Variants in ADGRG6 observed in about 807,000 individuals in gnomAD.
The protein encoded by ADGRG6 is G-protein coupled receptor 126.
Under a neutral mutation model 142.4 loss-of-function variants are expected in ADGRG6, and 84 were observed. The observed-to-expected ratio is 0.59, with a 90% CI of 0.49 to 0.71. ADGRG6 has a LOEUF of 0.71. ADGRG6 is among the 30% of genes least tolerant of loss of function. The probability of loss-of-function intolerance (pLI) is 0.00; values close to 1 mark genes in which losing one functional copy is unlikely to be tolerated. For missense variants in ADGRG6, 1,367 were observed against 1,466.6 expected (o/e 0.93, Z 1.11); for synonymous variants, 521 against 520.5 (o/e 1.00, Z -0.01).
chr6:142,417,346 T>C lies in ADGRG6; in HGVS notation c.3012T>C (p.Tyr1004=), dbSNP rs1246476641. The change falls in exon 21 of 25, where the codon TAT becomes TAC. Residue 1004 remains tyrosine, a synonymous_variant. Transcript: ENST00000367609. ...NNNEVYGKES[Y]GKEKGDEFCW... is the part of the protein sequence containing the mutation. ...ATGAAGTCTATGGAAAAGAAAGTTA[T>C]GGGAAAGAAAAAGGTGATGAATTGT... is the stretch of plus-strand genomic sequence containing the variant. The C allele has an allele frequency of 2.0e-5, 32 of 1,580,340 alleles. No homozygotes were observed. Among genetic ancestry groups the C allele is most frequent in the Non-Finnish European group, 2.4e-5 (28 of 1,151,560 alleles).
chr6:142,402,722 T>C lies in ADGRG6; in HGVS notation c.1847T>C (p.Ile616Thr). The change falls in exon 13 of 25, where the codon ATT (isoleucine) becomes ACT (threonine). Residue 616 changes from isoleucine to threonine, a missense_variant. Coordinates refer to ENST00000367609, the MANE Select transcript of ADGRG6 (RefSeq NM_198569.3). ...ITNIVEQVKR[I>T]VNKEENIDIT... ...AACATTGTGGAACAGGTCAAAAGAA[T>C]TGTGAATAAAGAAGAAAACATTGAT... 6.2e-7 allele frequency: 1 copy of C among 1,602,102 alleles called. No homozygotes were observed. The highest frequency in any genetic ancestry group is 8.5e-7 in the Non-Finnish European group (1 of 1,169,650).
chr6:142,439,886 C>T (rs75519587), intron 24 of ADGRG6, among the ~76,000 whole-genome samples: 3,124 of 152,240 alleles, frequency 0.021, 114 homozygotes, highest in African/African-American at 0.072. Context: ...GGTTCCGTGG[C>T]ACAAAATATT....
chr6:142,330,200 G>C (rs556046665), intron 2 of ADGRG6, among the ~76,000 whole-genome samples: 3 of 151,940 alleles, frequency 2.0e-5, no homozygotes, highest in Admixed American at 2.0e-4. Flanking sequence ...ACATGATCTC[G>C]TTCTTTTTAA....
At position 142,419,259 on chromosome 6, in the gene ADGRG6, G is replaced by T. The variant is rs970571106; in HGVS notation, c.3036-562G>T. Among the ~76,000 whole-genome samples, 4 of 152,114 alleles carry T rather than the reference G, an allele frequency of 2.6e-5. 1 individual carries two copies. Among genetic ancestry groups the T allele is most frequent in the South Asian group, 4.1e-4 (2 of 4,834 alleles). ...GGGCCAACAACTCTGCAGCAGGCTT[G>T]ACCTCTCTGTCATTGGACAGAAGAT... On this transcript the variant is annotated intron_variant, in intron 21 of 24. Transcript: ENST00000367609.
chr6:142,431,166 G>A (rs1483984047), intron 22 of ADGRG6, among the ~76,000 whole-genome samples: 4 of 151,936 alleles, frequency 2.6e-5, no homozygotes. Context: ...GCAGGACTAA[G>A]GATGGGATGA....
chr6:142,405,601 G>A (rs1775761708), intron 14 of ADGRG6, 87 bp from the exon 15 acceptor site: 3 of 1,084,200 alleles, frequency 2.8e-6, no homozygotes, highest in Admixed American at 4.1e-5. Context: ...ACTTGCAATT[G>A]TTCACTCGCC....
In ADGRG6 at chr6:142,444,783, C is replaced by G. The variant is rs1309671018; in HGVS notation, c.*1268C>G. The G allele has an allele frequency of 6.6e-6, 1 of 152,088 alleles. No individual in the cohort carries two copies. Among genetic ancestry groups the G allele is most frequent in the Admixed American group, 6.6e-5 (1 of 15,246 alleles). 9.4% of individuals were successfully genotyped at this position (152,088 alleles called of 1,614,324 possible). On this transcript the variant is annotated 3_prime_UTR_variant, in exon 25 of 25. Transcript: ENST00000367609. Reference sequence around the variant, plus strand: ...GCTTGCTAATGAATGTATAGGAGACCACATTGTAATTGTTCTTAGATGATG... The same window carrying G: ...GCTTGCTAATGAATGTATAGGAGACGACATTGTAATTGTTCTTAGATGATG...
At chr6:142,376,551 A>G (rs569541820) in intron 4 of ADGRG6, among the ~76,000 whole-genome samples, 1 of 152,286 alleles carries the variant, frequency 6.6e-6, no homozygotes, top group East Asian at 1.9e-4. Context: ...TTACCGTTTC[A>G]TAATCATTAC....
intron 1 of ADGRG6, among the ~76,000 whole-genome samples, chr6:142,308,881 A>G (rs1234889726): frequency 6.6e-6 from 1 of 151,900 alleles, no homozygotes; most frequent in African/African-American, 2.4e-5. Flanking sequence ...TGAGTAAGTC[A>G]TGCAGAAGGA....
intron 2 of ADGRG6, among the ~76,000 whole-genome samples, chr6:142,340,281 T>G (rs937998178): frequency 1.3e-4 from 20 of 152,120 alleles, no homozygotes; most frequent in Non-Finnish European, 2.6e-4. Flanking sequence ...AAATGTCCAT[T>G]TATAGCAATT....
chr6:142,321,303 A>ACT (rs1222684288), intron 2 of ADGRG6, among the ~76,000 whole-genome samples: 1 of 151,550 alleles, frequency 6.6e-6, no homozygotes, highest in African/African-American at 2.4e-5. Flanking sequence ...ACACACACAC[A>ACT]CACACACACG....
chr6:142,355,272 G>C (rs988181331), intron 2 of ADGRG6, among the ~76,000 whole-genome samples: 1 of 151,836 alleles, frequency 6.6e-6, no homozygotes, highest in Non-Finnish European at 1.5e-5. Context: ...AATCACTGGG[G>C]CTCAGTCTTC....
At chr6:142,430,728 A>T (rs1777171262) in intron 22 of ADGRG6, among the ~76,000 whole-genome samples, 1 of 152,226 alleles carries the variant, frequency 6.6e-6, no homozygotes, top group Non-Finnish European at 1.5e-5. Flanking sequence ...TTATTTTTCA[A>T]ACATGCTACT....
rs1260054895 is a variant in ADGRG6, at chr6:142,439,525, C to T, written c.3574+1161C>T. On this transcript the variant is annotated intron_variant, in intron 24 of 24. Coordinates refer to ENST00000367609, the MANE Select transcript of ADGRG6 (RefSeq NM_198569.3). ...ATCCATATACATGCCCTGTTTGCACCGTTTTCTATGTCTTGCCACTGGGGT... is the reference window on the plus strand; with the variant it reads ...ATCCATATACATGCCCTGTTTGCACTGTTTTCTATGTCTTGCCACTGGGGT... 5.3e-5 allele frequency among the ~76,000 whole-genome samples: 8 copies of T among 152,214 alleles called. 1 individual carries two copies. In the East Asian group the frequency reaches 5.8e-4, roughly 11 times the overall value.
At chr6:142,361,699 G>T (rs768232568) in intron 2 of ADGRG6, among the ~76,000 whole-genome samples, 1 of 152,162 alleles carries the variant, frequency 6.6e-6, no homozygotes, top group Non-Finnish European at 1.5e-5. Flanking sequence ...AGAGTTGGGG[G>T]TTTGCAGGAA....
Position 142,397,825 on chromosome 6 carries a change from C to T in ADGRG6, c.1567+70C>T, listed in dbSNP as rs916606185. On this transcript the variant is annotated intron_variant, in intron 10 of 24. Coordinates refer to ENST00000367609, the MANE Select transcript of ADGRG6 (RefSeq NM_198569.3). Reference sequence around the variant, plus strand: ...TATTCAGGTTTACTTGAAACAACAGCAGAAATTTTCTTTATGCGCTATTTG... The same window carrying T: ...TATTCAGGTTTACTTGAAACAACAGTAGAAATTTTCTTTATGCGCTATTTG... The T allele has an allele frequency of 3.6e-5, 35 of 982,002 alleles. No individual in the cohort carries two copies. The African/African-American group carries it at 5.7e-4, about 16-fold the overall frequency. The allele number at this position is 982,002 out of a possible 1,614,324, so 60.8% of individuals were successfully genotyped here.
At chr6:142,416,121 C>A in intron 20 of ADGRG6, 57 bp downstream of exon 20, 6 of 1,290,574 alleles carry the variant, frequency 4.6e-6, no homozygotes, top group Non-Finnish European at 6.5e-6. Context: ...TTGCCAGATT[C>A]TCATAGGAAA....
intron 22 of ADGRG6, among the ~76,000 whole-genome samples, chr6:142,423,405 C>CCAT (rs755700446): frequency 2.9e-4 from 44 of 152,244 alleles, no homozygotes; most frequent in Admixed American, 5.9e-4. Flanking sequence ...TTTCCCAGCA[C>CCAT]CATTTATTAA....
intron 4 of ADGRG6, among the ~76,000 whole-genome samples, chr6:142,378,748 C>G (rs532298451): frequency 1.3e-5 from 2 of 152,264 alleles, no homozygotes; most frequent in South Asian, 2.1e-4. Flanking sequence ...ACAACTCAAA[C>G]TATTTTCTAT....
Sources: allele counts gnomAD v4.1 joint callset (sites outside exome capture counted in the v4.1 genomes callset), GRCh38; gene constraint gnomAD v4.1.1; transcripts MANE v1.5; gene names NCBI Gene and HGNC (gene_info 2026-07-23, HGNC 2026-07-21).